Variants in NBEAL1 observed in about 807,000 individuals in gnomAD.
NBEAL1 encodes the protein neurobeachin like 1.
A neutral mutation model predicts 351.3 loss-of-function variants in NBEAL1; 273 were observed. The observed-to-expected ratio is 0.78, with a 90% confidence interval of 0.70 to 0.86. The LOEUF (loss-of-function observed/expected upper bound fraction) is 0.86. Among genes scored for constraint, NBEAL1 ranks in the 40% least tolerant of loss-of-function variants. NBEAL1 has a pLI of 0.00. For synonymous variants in NBEAL1, 1,050 were observed against 1,086.4 expected, an observed-to-expected ratio of 0.97 and a Z score of 0.66; for missense variants, 2,961 against 3,201.3, an observed-to-expected ratio of 0.92 and a Z score of 1.81.
intron 3 of NBEAL1, among the ~76,000 whole-genome samples, chr2:203,043,394 A>G (rs1032749420): frequency 1.3e-5 from 2 of 152,136 alleles, no homozygotes; most frequent in African/African-American, 2.4e-5. Flanking sequence ...TGGCTGGGGT[A>G]AAATGCAAGA....
intron 2 of NBEAL1, among the ~76,000 whole-genome samples, chr2:203,039,490 G>T (rs776747824): frequency 9.6e-5 from 14 of 146,468 alleles, no homozygotes; most frequent in Non-Finnish European, 2.0e-4. Flanking sequence ...TGCAACCTCC[G>T]CCTCCTGGGT....
At chr2:203,077,256 GCTA>G (rs2061791729) in intron 7 of NBEAL1, among the ~76,000 whole-genome samples, 1 of 151,944 alleles carries the variant, frequency 6.6e-6, no homozygotes, top group South Asian at 2.1e-4. Flanking sequence ...TGTAATCCCA[GCTA>G]CTCCGGAGGC....
intron 33 of NBEAL1, among the ~76,000 whole-genome samples, chr2:203,146,203 A>G (rs140958517): frequency 6.6e-6 from 1 of 152,274 alleles, no homozygotes; most frequent in East Asian, 1.9e-4. Flanking sequence ...GAATAAGTAT[A>G]TAACCTGAAA....
intron 4 of NBEAL1, among the ~76,000 whole-genome samples, chr2:203,051,114 A>C (rs1269590127): frequency 6.6e-6 from 1 of 152,230 alleles, no homozygotes; most frequent in Non-Finnish European, 1.5e-5. Context: ...CTTTGCAGGA[A>C]TTATGGAATG....
intron 27 of NBEAL1, among the ~76,000 whole-genome samples, chr2:203,134,068 G>T (rs115347750): frequency 6.6e-6 from 1 of 151,978 alleles, no homozygotes; most frequent in Non-Finnish European, 1.5e-5. Context: ...GTTTCAAAGG[G>T]TATTAACGTT....
At chr2:203,135,130 C>T (rs189247110) in intron 27 of NBEAL1, among the ~76,000 whole-genome samples, 3 of 150,474 alleles carry the variant, frequency 2.0e-5, no homozygotes, top group Non-Finnish European at 4.4e-5. Flanking sequence ...GAGTCAAGAT[C>T]GCACCACTGC....
rs2065944187 is a variant in NBEAL1 at position 203,220,630 on chromosome 2, AT to A, written c.*3277del. 6.6e-6 allele frequency among the ~76,000 whole-genome samples: 1 copy of A among 152,218 alleles called. No individual in the cohort carries two copies. Among genetic ancestry groups the A allele is most frequent in the Admixed American group, 6.6e-5 (1 of 15,266 alleles). On this transcript the variant is annotated 3_prime_UTR_variant, in exon 56 of 56. Coordinates refer to ENST00000683969, the MANE Select transcript of NBEAL1 (RefSeq NM_001378026.1). ...AATTATTTTACTTTTGGAAAATGAG[AT>A]CAAGTATTAAAACATGTAATAGCTG...
At chr2:203,032,428 C>T (rs890448271) in intron 2 of NBEAL1, among the ~76,000 whole-genome samples, 1 of 151,846 alleles carries the variant, frequency 6.6e-6, no homozygotes, top group Non-Finnish European at 1.5e-5. Context: ...GAGGCTGAGG[C>T]GGGCAGATCA....
At chr2:203,069,310 TCTGCTTGA>T (rs1419348122) in intron 7 of NBEAL1, among the ~76,000 whole-genome samples, 1 of 152,184 alleles carries the variant, frequency 6.6e-6, no homozygotes, top group Non-Finnish European at 1.5e-5. Flanking sequence ...CAGTGCTGAC[TCTGCTTGA>T]CCACCAGTAG....
rs1285180849 is a variant in NBEAL1, at chr2:203,219,123, G to T, written c.*1769G>T. On this transcript the variant is annotated 3_prime_UTR_variant, in exon 56 of 56. Transcript: ENST00000683969. ...GTTTCAATCCAGTGCTTCACCCGTG[G>T]TGCCACCGTGGCTATCTTTTTTTTT... The T allele has an allele frequency of 6.6e-6, 1 of 151,954 alleles. No individual in the cohort carries two copies. The highest frequency in any genetic ancestry group is 1.5e-5 in the Non-Finnish European group (1 of 67,990). The allele number at this position is 151,954 out of a possible 1,614,324, so 9.4% of individuals were successfully genotyped here. A position where few individuals can be genotyped will look rare whatever the true frequency, so the allele number is the denominator to read the frequency against.
rs192612788 is a variant in NBEAL1, at chr2:203,152,954, C to A, written c.5587+1365C>A. The stretch of plus-strand genomic sequence containing the variant: ...TCCAGAGGCTGAAGCAGGAGAATCA[C>A]TTGAACCCGAGAGGCAGAGGTGGCA... On this transcript the variant is annotated intron_variant, in intron 35 of 55. Transcript: ENST00000683969. Among the ~76,000 whole-genome samples the A allele has an allele frequency of 8.9e-4, 135 of 152,172 alleles. 1 individual carries two copies. The Middle Eastern group carries it at 0.017, about 19-fold the overall frequency.
At chr2:203,146,654 G>A (rs1035629758) in intron 33 of NBEAL1, among the ~76,000 whole-genome samples, 2 of 152,098 alleles carry the variant, frequency 1.3e-5, no homozygotes, top group Non-Finnish European at 2.9e-5. Flanking sequence ...TTAGCTGGGT[G>A]TGGTGGTACG....
intron 49 of NBEAL1, among the ~76,000 whole-genome samples, 189 bp downstream of exon 49, chr2:203,199,636 G>T (rs989619515): frequency 8.6e-5 from 13 of 151,688 alleles, no homozygotes; most frequent in African/African-American, 1.5e-4. Context: ...GAGCTCAAGG[G>T]ATTATCTGGC....
chr2:203,217,679 A>G lies in NBEAL1; in HGVS notation c.*325A>G. The stretch of plus-strand genomic sequence containing the variant: ...AGATTTTTCTAATAAAAGAGTACAG[A>G]TAATGGGACAGTTGAGAGAGATGGC... On this transcript the variant is annotated 3_prime_UTR_variant, in exon 56 of 56. Coordinates refer to ENST00000683969, the MANE Select transcript of NBEAL1 (RefSeq NM_001378026.1). 1 of 963,666 alleles carries G rather than the reference A, an allele frequency of 1.0e-6. No homozygotes were observed. The highest frequency in any genetic ancestry group is 1.2e-6 in the Non-Finnish European group (1 of 806,606). 59.7% of individuals were successfully genotyped at this position (963,666 alleles called of 1,614,324 possible).
rs569572195 is a variant in NBEAL1, at chr2:203,165,945, A to C, written c.5715-204A>C. ...GTATTCCCAGCTACTTGGGAGGCTGAGGTGGGAGGATTGCTTGAGCCCAGG... is the reference window on the plus strand; with the variant it reads ...GTATTCCCAGCTACTTGGGAGGCTGCGGTGGGAGGATTGCTTGAGCCCAGG... On this transcript the variant is annotated intron_variant, in intron 36 of 55. Coordinates refer to ENST00000683969, the MANE Select transcript of NBEAL1 (RefSeq NM_001378026.1). Among the ~76,000 whole-genome samples the C allele has an allele frequency of 1.4e-4, 22 of 152,228 alleles. 1 individual carries two copies. In the South Asian group the frequency reaches 4.4e-3, roughly 30 times the overall value.
At chr2:203,155,277 T>A (rs2063770621) in intron 35 of NBEAL1, among the ~76,000 whole-genome samples, 3 of 150,774 alleles carry the variant, frequency 2.0e-5, no homozygotes. Context: ...ATTTAAGAAA[T>A]TTTTTTTGTC....
chr2:203,096,381 G>A (rs2062185147), intron 10 of NBEAL1, among the ~76,000 whole-genome samples: 1 of 151,936 alleles, frequency 6.6e-6, no homozygotes, highest in Non-Finnish European at 1.5e-5. Context: ...CATGTAACTC[G>A]ACCTTTTGTT....
chr2:203,040,049 T>G, intron 2 of NBEAL1: 2 of 655,638 alleles, frequency 3.1e-6, no homozygotes, highest in South Asian at 3.6e-5. Flanking sequence ...TGAGAATATG[T>G]CATTTAAAAA....
chr2:203,213,808 C>G, intron 55 of NBEAL1, 155 bp downstream of exon 55: 6 of 983,416 alleles, frequency 6.1e-6, no homozygotes, highest in Non-Finnish European at 7.2e-6. Flanking sequence ...CAGGATAAAG[C>G]TGTTATTCAA....
Sources: gnomAD v4.1 joint callset for allele counts (sites outside exome capture counted in the v4.1 genomes callset) on GRCh38, gnomAD v4.1.1 for gene constraint, MANE v1.5 for transcripts, NCBI Gene and HGNC (gene_info 2026-07-23, HGNC 2026-07-21) for gene names.